Variants in GRK3 observed in about 807,000 individuals in gnomAD.
The protein encoded by GRK3 is adrenergic, beta, receptor kinase 2.
In GRK3, 54 loss-of-function variants were observed where a neutral mutation model predicts 95.7. That is an observed-to-expected ratio of 0.56 (90% confidence interval 0.45 to 0.71). GRK3 has a LOEUF of 0.71. GRK3 is among the 30% of genes least tolerant of loss of function. The probability of loss-of-function intolerance (pLI) is 0.00; values close to 1 mark genes in which losing one functional copy is unlikely to be tolerated. For synonymous variants in GRK3, 281 were observed against 290.8 expected (o/e 0.97, Z 0.34); for missense variants, 649 against 851.2 (o/e 0.76, Z 2.96).
chr22:25,610,673 G>A (rs1472991136), intron 2 of GRK3, among the ~76,000 whole-genome samples: 1 of 152,100 alleles, frequency 6.6e-6, no homozygotes, highest in Non-Finnish European at 1.5e-5. Flanking sequence ...TCATCTGTCT[G>A]TTTCTATCTG....
At chr22:25,686,095 G>A (rs1009496367) in intron 10 of GRK3, among the ~76,000 whole-genome samples, 25 of 151,656 alleles carry the variant, frequency 1.6e-4, no homozygotes, top group Middle Eastern at 6.9e-3. Context: ...GGTGGTGGGC[G>A]CCTATAGTCC....
At chr22:25,688,223 A>G (rs979087686) in intron 11 of GRK3, among the ~76,000 whole-genome samples, 16 of 147,672 alleles carry the variant, frequency 1.1e-4, no homozygotes, top group Admixed American at 6.7e-4. Context: ...ACAACAGAGC[A>G]AGACTCTGTC....
At position 25,704,197 on chromosome 22, in the gene GRK3, G is replaced by A; in HGVS notation, c.1316G>A (p.Cys439Tyr). The A allele has an allele frequency of 6.2e-7, 1 of 1,612,416 alleles. No individual in the cohort carries two copies. Among genetic ancestry groups the A allele is most frequent in the Non-Finnish European group, 8.5e-7 (1 of 1,179,060 alleles). The change falls in exon 15 of 21, where the codon TGT (cysteine) becomes TAT (tyrosine). Residue 439 changes from cysteine to tyrosine, a missense_variant. Physicochemically the swap from Cys to Tyr is radical, Grantham distance 194 (BLOSUM62 -2). Transcript: ENST00000324198. ...CGAGACGTTAGCAAGCGGCTGGGCTGTCACGGAGGCGGGTAGGCCATTGTT... is the reference window on the plus strand; with the variant it reads ...CGAGACGTTAGCAAGCGGCTGGGCTATCACGGAGGCGGGTAGGCCATTGTT... The part of the protein sequence containing the change: ...LQRDVSKRLG[C>Y]HGGGSQEVKE...
chr22:25,617,253 G>A lies in GRK3; in HGVS notation c.190+12800G>A, dbSNP rs184942579. Among the ~76,000 whole-genome samples the A allele has an allele frequency of 2.0e-3, 308 of 152,200 alleles. 3 individuals are homozygous for A. The highest frequency in any genetic ancestry group is 0.01 in the Middle Eastern group (3 of 294). On this transcript the variant is annotated intron_variant, in intron 2 of 20. Coordinates refer to ENST00000324198, the MANE Select transcript of GRK3 (RefSeq NM_005160.4). Reference sequence around the variant, plus strand: ...TTCATTTCCTTGTCTTAAAATTATGGCTATTTAAGAAGATTGAAATTAGTT... The same window carrying A: ...TTCATTTCCTTGTCTTAAAATTATGACTATTTAAGAAGATTGAAATTAGTT...
rs771333945 is a variant in GRK3, at chr22:25,687,572, G to T, written c.862G>T (p.Val288Leu). The T allele has an allele frequency of 3.0e-5, 49 of 1,614,004 alleles. No individual in the cohort carries two copies. Among genetic ancestry groups the T allele is most frequent in the Non-Finnish European group, 4.2e-5 (49 of 1,179,996 alleles). Residue 288 changes from valine (V) to leucine (L), a missense_variant, in exon 11 of 21, where the codon GTG becomes TTG. Val to Leu is a conservative substitution (Grantham distance 32, BLOSUM62 1). Around this residue, in one of 3 missense-constraint regions of GRK3, gnomAD observed 61 missense variants for 126.0 expected, o/e 0.48. Coordinates refer to ENST00000324198, the MANE Select transcript of GRK3 (RefSeq NM_005160.4). ...DLHYHLSQHGVFSEKEMRFYA... is the reference protein window; with the variant it reads ...DLHYHLSQHGLFSEKEMRFYA... ...GCACTACCACCTTTCACAACACGGT[G>T]TGTTCTCTGAGAAGGAGATGCGGTT... is the stretch of plus-strand genomic sequence containing the variant.
At chr22:25,615,205 G>A (rs574317456) in intron 2 of GRK3, among the ~76,000 whole-genome samples, 10 of 152,034 alleles carry the variant, frequency 6.6e-5, no homozygotes, top group Non-Finnish European at 1.2e-4. Flanking sequence ...CAGTGTCCAC[G>A]TATTTTCGGA....
At chr22:25,598,363 GT>G (rs2084386440) in intron 1 of GRK3, among the ~76,000 whole-genome samples, 1 of 151,994 alleles carries the variant, frequency 6.6e-6, no homozygotes, top group South Asian at 2.1e-4. Context: ...ACAAAAGCAG[GT>G]TCAGTGTTAT....
intron 1 of GRK3, among the ~76,000 whole-genome samples, chr22:25,587,457 C>T (rs1932353463): frequency 6.6e-6 from 1 of 152,014 alleles, no homozygotes; most frequent in Non-Finnish European, 1.5e-5. Context: ...GAGGCAGAGT[C>T]TTGCTCTGTC....
chr22:25,643,220 G>T (rs1011433429), intron 2 of GRK3, among the ~76,000 whole-genome samples: 18 of 152,300 alleles, frequency 1.2e-4, no homozygotes, highest in African/African-American at 4.3e-4. Flanking sequence ...TCCTGCCTAT[G>T]TTGGGGTCGT....
intron 3 of GRK3, chr22:25,647,696 GT>G: frequency 7.3e-7 from 1 of 1,360,842 alleles, no homozygotes; most frequent in Non-Finnish European, 1.1e-6. Flanking sequence ...ATCCTGAGCA[GT>G]TATGTAGCGC....
At chr22:25,698,680 G>A (rs1036567262) in intron 13 of GRK3, among the ~76,000 whole-genome samples, 3 of 152,184 alleles carry the variant, frequency 2.0e-5, no homozygotes, top group Admixed American at 2.0e-4. Flanking sequence ...AGGCCCCGAG[G>A]CTGAAAGCTT....
At position 25,728,439 on chromosome 22, in the gene GRK3, C is replaced by T. The variant is rs2085491315; in HGVS notation, c.*5989C>T. ...CAGAACCTAGGTTTGTTTCTAAAGC[C>T]ACGGTATTGTCCAGGAGCCCCTGTG... On this transcript the variant is annotated 3_prime_UTR_variant, in exon 21 of 21. Transcript: ENST00000324198. 6.6e-6 allele frequency: 1 copy of T among 152,182 alleles called. No individual in the cohort carries two copies. Among genetic ancestry groups the T allele is most frequent in the Non-Finnish European group, 1.5e-5 (1 of 68,052 alleles). 9.4% of individuals were successfully genotyped at this position (152,182 alleles called of 1,614,324 possible). A position where few individuals can be genotyped will look rare whatever the true frequency, so the allele number is the denominator to read the frequency against.
chr22:25,565,807 T>TGTC (rs1307211145), intron 1 of GRK3, among the ~76,000 whole-genome samples: 1 of 152,196 alleles, frequency 6.6e-6, no homozygotes, highest in African/African-American at 2.4e-5. Flanking sequence ...GTGCCAAGTG[T>TGTC]GTCACCTGAG....
intron 6 of GRK3, among the ~76,000 whole-genome samples, chr22:25,670,989 GT>G (rs764434681): frequency 2.0e-5 from 3 of 151,432 alleles, no homozygotes; most frequent in Non-Finnish European, 4.4e-5. Flanking sequence ...GGGAGGCGGA[GT>G]TTGCAGTGAG....
chr22:25,599,049 C>T (rs2084390695), intron 1 of GRK3, among the ~76,000 whole-genome samples: 1 of 152,160 alleles, frequency 6.6e-6, no homozygotes, highest in Admixed American at 6.5e-5. Context: ...ATATTTATCT[C>T]CTACCATACT....
chr22:25,721,643 A>G (rs1055359961), intron 20 of GRK3, among the ~76,000 whole-genome samples: 5 of 152,214 alleles, frequency 3.3e-5, no homozygotes, highest in African/African-American at 1.2e-4. Flanking sequence ...CTCAGTATTT[A>G]ATAGGGCTGG....
At chr22:25,682,922 C>T (rs1715226029) in intron 9 of GRK3, among the ~76,000 whole-genome samples, 1 of 152,180 alleles carries the variant, frequency 6.6e-6, no homozygotes, top group Non-Finnish European at 1.5e-5. Context: ...ATAAATGTGC[C>T]CTTCTGTGTT....
At chr22:25,695,306 G>A in intron 13 of GRK3, 92 bp downstream of exon 13, 1 of 866,382 alleles carries the variant, frequency 1.2e-6, no homozygotes, top group South Asian at 1.6e-5. Flanking sequence ...AGACGCTAAT[G>A]TTATTTTAAA....
At chr22:25,657,262 G>A (rs535551006) in intron 3 of GRK3, among the ~76,000 whole-genome samples, 1 of 152,254 alleles carries the variant, frequency 6.6e-6, no homozygotes, top group South Asian at 2.1e-4. Flanking sequence ...ATATCTAGTT[G>A]TTCTATCAAT....
Sources: gnomAD v4.1 joint callset for allele counts (sites outside exome capture counted in the v4.1 genomes callset) on GRCh38, gnomAD v4.1.1 for gene constraint, gnomAD v4.1.1 regional missense constraint, MANE v1.5 for transcripts, NCBI Gene and HGNC (gene_info 2026-07-23, HGNC 2026-07-21) for gene names.